RBFOX3: variants seen among roughly 807,000 people sequenced by gnomAD.
RBFOX3 encodes the protein RNA binding fox-1 homolog 3.
RBFOX3 carries 17 observed loss-of-function variants against 48.7 expected under a neutral mutation model. That is an observed-to-expected ratio of 0.35 (90% CI 0.24 to 0.52). The LOEUF is 0.52. RBFOX3 is among the 20% of genes least tolerant of loss of function. The pLI, the probability that RBFOX3 is intolerant of heterozygous loss-of-function variation, is 0.94. For missense variants in RBFOX3, 382 were observed against 497.5 expected (o/e 0.77, Z 2.21); for synonymous variants, 212 against 209.5 (o/e 1.01, Z -0.10).
intron 4 of RBFOX3, among the ~76,000 whole-genome samples, chr17:79,118,998 GAAAAT>G: frequency 7.1e-6 from 1 of 141,142 alleles, no homozygotes; most frequent in Middle Eastern, 3.6e-3. Flanking sequence ...AAAAAATAAA[GAAAAT>G]AAAATAAAAA....
Position 79,165,980 on chromosome 17 carries a change from C to A in RBFOX3, c.-33-50232G>T, listed in dbSNP as rs552486327. 9.8e-5 allele frequency among the ~76,000 whole-genome samples: 15 copies of A among 152,324 alleles called. No individual in the cohort carries two copies. In the East Asian group the frequency reaches 2.7e-3, roughly 27 times the overall value. On this transcript the variant is annotated intron_variant, in intron 4 of 14. Transcript: ENST00000693108. Reference sequence around the variant, plus strand: ...CTGCAGGGCACCCGCGTGCACTGGCCGGGGAGGGATGTGTCCACAGGCCCC... The same window carrying A: ...CTGCAGGGCACCCGCGTGCACTGGCAGGGGAGGGATGTGTCCACAGGCCCC...
chr17:79,253,811 A>C (rs2064354903), intron 3 of RBFOX3, among the ~76,000 whole-genome samples: 1 of 152,170 alleles, frequency 6.6e-6, no homozygotes, highest in Admixed American at 6.5e-5. Context: ...AGTGCCCTAG[A>C]GGGTTTTCAC....
intron 2 of RBFOX3, among the ~76,000 whole-genome samples, chr17:79,344,851 C>T (rs529790489): frequency 4.6e-5 from 7 of 152,238 alleles, no homozygotes; most frequent in African/African-American, 9.6e-5. Context: ...CCACCACGCC[C>T]GGCCATCTGT....
At chr17:79,650,723 A>G in the RBFOX3 span, among the ~76,000 whole-genome samples, 2 of 152,106 alleles carry the variant, frequency 1.3e-5, no homozygotes, top group Non-Finnish European at 2.9e-5. Context: ...GAACAGACCT[A>G]TAAATACACC....
At chr17:79,314,931 T>C (rs1019609783) in intron 2 of RBFOX3, among the ~76,000 whole-genome samples, 2 of 151,712 alleles carry the variant, frequency 1.3e-5, no homozygotes, top group African/African-American at 2.4e-5. Context: ...TTAAGACTAA[T>C]GCAAGAGAAC....
intron 4 of RBFOX3, among the ~76,000 whole-genome samples, chr17:79,127,072 C>T (rs976129427): frequency 2.0e-5 from 3 of 152,238 alleles, no homozygotes; most frequent in African/African-American, 4.8e-5. Context: ...AGCACGACTC[C>T]AACGCCACAT....
At chr17:79,344,794 G>A (rs1002289268) in intron 2 of RBFOX3, among the ~76,000 whole-genome samples, 7 of 152,120 alleles carry the variant, frequency 4.6e-5, no homozygotes. Context: ...GATCTCAGGT[G>A]ATCCACCCAC....
At chr17:79,157,916 G>A (rs574727457) in intron 4 of RBFOX3, among the ~76,000 whole-genome samples, 1 of 152,168 alleles carries the variant, frequency 6.6e-6, no homozygotes, top group South Asian at 2.1e-4. Flanking sequence ...CGGCCCTGGG[G>A]AGCTGCCTCT....
Position 79,471,679 on chromosome 17 carries a change from C to A in RBFOX3, c.-175+10775G>T, listed in dbSNP as rs2077079769. On this transcript the variant is annotated intron_variant, in intron 2 of 14. Coordinates refer to ENST00000693108, the MANE Select transcript of RBFOX3 (RefSeq NM_001350451.2). The surrounding 1 kb of genome is among the most constrained non-coding windows in gnomAD (Gnocchi z 4.0). ...TCATCACCCAAAGTGCTTTTTATAA[C>A]AAGAAAGGACTCTGAACGTTGTCAG... is the stretch of plus-strand genomic sequence containing the variant. 6.6e-6 allele frequency among the ~76,000 whole-genome samples: 1 copy of A among 152,166 alleles called. No homozygotes were observed. The highest frequency in any genetic ancestry group is 1.5e-5 in the Non-Finnish European group (1 of 68,028).
rs1011692616 is a variant in RBFOX3, at chr17:79,299,507, CT to C, written c.-74+8216del. 6.6e-6 allele frequency among the ~76,000 whole-genome samples: 1 copy of C among 152,206 alleles called. No individual in the cohort carries two copies. The highest frequency in any genetic ancestry group is 2.4e-5 in the African/African-American group (1 of 41,438). The stretch of plus-strand genomic sequence containing the variant: ...TCGTGGCATCTACATTGTATGAGGC[CT>C]TGTGCGTCACCTAGAGGTGATCTCC... On this transcript the variant is annotated intron_variant, in intron 3 of 14. Coordinates refer to ENST00000693108, the MANE Select transcript of RBFOX3 (RefSeq NM_001350451.2). The surrounding 1 kb of genome is among the most constrained non-coding windows in gnomAD (Gnocchi z 4.5).
In RBFOX3 at chr17:79,480,134, A is replaced by G. The variant is rs1283232551; in HGVS notation, c.-175+2320T>C. Among the ~76,000 whole-genome samples the G allele has an allele frequency of 2.0e-5, 3 of 152,222 alleles. No homozygotes were observed. In the East Asian group the frequency reaches 5.8e-4, roughly 29 times the overall value. On this transcript the variant is annotated intron_variant, in intron 2 of 14. Coordinates refer to ENST00000693108, the MANE Select transcript of RBFOX3 (RefSeq NM_001350451.2). This position sits in a 1 kb window ranked among gnomAD's most constrained non-coding sequence, Gnocchi z 4.8. ...AGAAAGAGCCAGAAAGAGCAGTGGG[A>G]TTCCTGCCCTCTAAACAGTCACATT... is the stretch of plus-strand genomic sequence containing the variant.
Position 79,195,585 on chromosome 17 carries a change from T to C in RBFOX3, c.-34+40181A>G, listed in dbSNP as rs1227404921. ...TACGTTTCTTGGTTTCTGTCTGCTC[T>C]ATCCTGATATCTGAGACTGGGGCCT... On this transcript the variant is annotated intron_variant, in intron 4 of 14. Coordinates refer to ENST00000693108, the MANE Select transcript of RBFOX3 (RefSeq NM_001350451.2). This position sits in a 1 kb window ranked among gnomAD's most constrained non-coding sequence, Gnocchi z 5.3. 1.3e-5 allele frequency among the ~76,000 whole-genome samples: 2 copies of C among 152,216 alleles called. No homozygotes were observed. The highest frequency in any genetic ancestry group is 2.9e-5 in the Non-Finnish European group (2 of 68,048).
intron 5 of RBFOX3, among the ~76,000 whole-genome samples, chr17:79,114,824 G>A (rs572751686): frequency 1.3e-5 from 2 of 152,334 alleles, no homozygotes; most frequent in African/African-American, 2.4e-5. Flanking sequence ...GGGGCTCTGG[G>A]GGGTGGGTGG....
At chr17:79,403,711 G>A (rs980421618) in intron 2 of RBFOX3, among the ~76,000 whole-genome samples, 10 of 151,956 alleles carry the variant, frequency 6.6e-5, no homozygotes, top group African/African-American at 1.9e-4. Flanking sequence ...CCAGGCATCT[G>A]TGTCAGGGCA....
At chr17:79,301,241 G>A (rs936244604) in intron 3 of RBFOX3, among the ~76,000 whole-genome samples, 1 of 152,210 alleles carries the variant, frequency 6.6e-6, no homozygotes, top group African/African-American at 2.4e-5. Flanking sequence ...GAAGGACTTT[G>A]CACATGTGGA....
intron 5 of RBFOX3, among the ~76,000 whole-genome samples, chr17:79,109,904 G>A (rs924800495): frequency 3.7e-4 from 56 of 152,298 alleles, no homozygotes; most frequent in Admixed American, 1.9e-3. Flanking sequence ...GCCATGAGTG[G>A]GGCCAGGACA....
chr17:79,522,021 C>T (rs952182964), intron 1 of RBFOX3, among the ~76,000 whole-genome samples: 22 of 152,164 alleles, frequency 1.4e-4, no homozygotes, highest in Admixed American at 5.9e-4. Flanking sequence ...GACAGGCTGA[C>T]CTTCACCCGA....
intron 1 of RBFOX3, among the ~76,000 whole-genome samples, chr17:79,510,072 C>T (rs942352420): frequency 5.3e-5 from 8 of 152,188 alleles, no homozygotes; most frequent in Non-Finnish European, 8.8e-5. Context: ...CAAGTGGCGG[C>T]GTGAATGGCC....
At chr17:79,358,293 G>C (rs1178386361) in intron 2 of RBFOX3, among the ~76,000 whole-genome samples, 1 of 151,976 alleles carries the variant, frequency 6.6e-6, no homozygotes, top group African/African-American at 2.4e-5. Context: ...CAGGCACAAG[G>C]GGGAAGGTAG....
Sources: allele counts gnomAD v4.1 joint callset (sites outside exome capture counted in the v4.1 genomes callset), GRCh38; gene constraint gnomAD v4.1.1; non-coding constraint Gnocchi (gnomAD v3.1); transcripts MANE v1.5; gene names NCBI Gene and HGNC (gene_info 2026-07-23, HGNC 2026-07-21).